The following ERN1 variants were observed in gnomAD, a reference collection of about 807,000 sequenced individuals.
ERN1 encodes endoplasmic reticulum to nucleus signaling 1.
In ERN1, 39 loss-of-function variants were observed where a neutral mutation model predicts 113.1. The observed-to-expected ratio is 0.34, with a 90% CI of 0.27 to 0.45. The LOEUF (loss-of-function observed/expected upper bound fraction) is 0.45. ERN1 is among the 20% of genes least tolerant of loss of function. The probability of loss-of-function intolerance (pLI) is 1.00; values close to 1 mark genes in which losing one functional copy is unlikely to be tolerated. For synonymous variants in ERN1, 507 were observed against 515.9 expected (o/e 0.98, Z 0.23); for missense variants, 976 against 1,274.8 (o/e 0.77, Z 3.57).
intron 12 of ERN1, among the ~76,000 whole-genome samples, chr17:64,056,781 C>T (rs937493825): frequency 1.3e-5 from 2 of 152,180 alleles, no homozygotes; most frequent in Admixed American, 1.3e-4. Context: ...CTTAGCTTCT[C>T]AGGGTCTACT....
Position 64,057,273 on chromosome 17 carries a change from C to G in ERN1, c.1398+529G>C, listed in dbSNP as rs190648773. Reference sequence around the variant, plus strand: ...TAAATCAGCTCTTAGCTGAAAAACACTAAGATTTAGGAACAAAATTGTCCT... The same window carrying G: ...TAAATCAGCTCTTAGCTGAAAAACAGTAAGATTTAGGAACAAAATTGTCCT... On this transcript the variant is annotated intron_variant, in intron 12 of 21. Coordinates refer to ENST00000433197, the MANE Select transcript of ERN1 (RefSeq NM_001433.5). Among the ~76,000 whole-genome samples, 242 of 152,302 alleles carry G rather than the reference C, an allele frequency of 1.6e-3. 1 individual carries two copies. Among genetic ancestry groups the G allele is most frequent in the African/African-American group, 5.6e-3 (234 of 41,544 alleles).
chr17:64,118,967 C>G lies in ERN1; in HGVS notation c.54+11009G>C, dbSNP rs1914881283. Reference sequence around the variant, plus strand: ...AAGCTTCTTCTTGTGCTTTAACTAACTCACTCCTTCTACAAATCCCTTCTC... The same window carrying G: ...AAGCTTCTTCTTGTGCTTTAACTAAGTCACTCCTTCTACAAATCCCTTCTC... On this transcript the variant is annotated intron_variant, in intron 1 of 21. Coordinates refer to ENST00000433197, the MANE Select transcript of ERN1 (RefSeq NM_001433.5). Among the ~76,000 whole-genome samples the G allele has an allele frequency of 2.0e-5, 3 of 152,272 alleles. No individual in the cohort carries two copies. In the South Asian group the frequency reaches 6.2e-4, roughly 32 times the overall value.
chr17:64,091,885 G>A (rs7222437), intron 2 of ERN1, among the ~76,000 whole-genome samples: 7,440 of 152,146 alleles, frequency 0.049, 580 homozygotes, highest in African/African-American at 0.17. Flanking sequence ...TTGTTGAAAC[G>A]GCCAACCCAT....
chr17:64,094,552 C>G (rs1914177433), intron 2 of ERN1, among the ~76,000 whole-genome samples: 1 of 151,868 alleles, frequency 6.6e-6, no homozygotes, highest in Non-Finnish European at 1.5e-5. Flanking sequence ...GCCCATCTCT[C>G]TCTGAGCTGA....
Position 64,075,214 on chromosome 17 carries a change from C to T in ERN1, c.316G>A (p.Ala106Thr), listed in dbSNP as rs1225398428. The change falls in exon 5 of 22, where the codon GCA (alanine) becomes ACA (threonine). Residue 106 changes from alanine (A) to threonine (T), a missense_variant. Transcript: ENST00000433197. ...CCATCTGAACTTCGGCATGGGGATG[C>T]CTGCACCAATTCTGGGATGGTAAAA... ...LPFTIPELVQ[A>T]SPCRSSDGIL... 1 of 1,508,498 alleles carries T rather than the reference C, an allele frequency of 6.6e-7. No individual in the cohort carries two copies. Among genetic ancestry groups the T allele is most frequent in the Non-Finnish European group, 8.8e-7 (1 of 1,131,198 alleles). The allele number at this position is 1,508,498 out of a possible 1,614,324, so 93.4% of individuals were successfully genotyped here.
chr17:64,066,837 C>G lies in ERN1; in HGVS notation c.676G>C (p.Val226Leu), dbSNP rs1286549150. The G allele has an allele frequency of 6.2e-7, 1 of 1,613,978 alleles. No individual in the cohort carries two copies. Among genetic ancestry groups the G allele is most frequent in the Admixed American group, 1.7e-5 (1 of 60,016 alleles). Residue 226 changes from valine to leucine, a missense_variant, in exon 8 of 22, where the codon GTG (valine) becomes CTG (leucine). By Grantham distance (32) the Val-to-Leu change is conservative (BLOSUM62 1). Coordinates refer to ENST00000433197, the MANE Select transcript of ERN1 (RefSeq NM_001433.5). The part of the protein sequence containing the change: ...VLWIQNYASP[V>L]VAFYVWQREG... ...CGCTGCCAGACATAAAAGGCCACCA[C>G]AGGGGAGGCGTAGTTTTGGATCCAC...
At chr17:64,070,916 T>C (rs569341005) in intron 6 of ERN1, among the ~76,000 whole-genome samples, 3 of 152,270 alleles carry the variant, frequency 2.0e-5, no homozygotes, top group African/African-American at 7.2e-5. Flanking sequence ...CATTCAAACA[T>C]TGAGCCCCTG....
chr17:64,058,107 G>A (rs1164590936), intron 11 of ERN1, 114 bp from the exon 12 acceptor site: 7 of 795,384 alleles, frequency 8.8e-6, no homozygotes, highest in Non-Finnish European at 1.3e-5. Context: ...ACTGCAGGGG[G>A]TTTTATTTGT....
At chr17:64,129,168 G>A (rs1357422469) in intron 1 of ERN1, 1 of 151,918 alleles carries the variant, frequency 6.6e-6, no homozygotes. Context: ...AGGTCATAAA[G>A]AGTTAAATGA....
chr17:64,073,411 G>C (rs1056565626), intron 5 of ERN1, among the ~76,000 whole-genome samples: 2 of 146,102 alleles, frequency 1.4e-5, no homozygotes, highest in Non-Finnish European at 3.0e-5. Context: ...TCCTGACTTC[G>C]TGATCCACCC....
intron 4 of ERN1, among the ~76,000 whole-genome samples, chr17:64,077,806 C>T (rs541703950): frequency 3.9e-3 from 583 of 151,078 alleles, no homozygotes; most frequent in African/African-American, 0.014. Context: ...AGTGTAGTGG[C>T]GTGATCTCAG....
intron 17 of ERN1, among the ~76,000 whole-genome samples, chr17:64,050,579 T>C (rs1912652568): frequency 6.6e-6 from 1 of 152,092 alleles, no homozygotes; most frequent in Non-Finnish European, 1.5e-5. Flanking sequence ...TCATGAAGCG[T>C]TAAAAACCAG....
At chr17:64,129,893 C>G in intron 1 of ERN1, 83 bp downstream of exon 1, 1 of 1,255,666 alleles carries the variant, frequency 8.0e-7, no homozygotes, top group Non-Finnish European at 1.0e-6. Context: ...AGCTCGGACT[C>G]CAGCCCCGGC....
chr17:64,049,181 A>G lies in ERN1; in HGVS notation c.2275T>C (p.Ser759Pro). Residue 759 changes from serine (S) to proline (P), a missense_variant, in exon 18 of 22, where the codon TCT becomes CCT. Physicochemically the swap from Ser to Pro is moderately conservative, Grantham distance 74 (BLOSUM62 -1). Transcript: ENST00000433197. The surrounding 1 kb of genome is among the most constrained non-coding windows in gnomAD (Gnocchi z 4.7). ...ENPTYTVDIFSAGCVFYYVIS... is the reference protein window; with the variant it reads ...ENPTYTVDIFPAGCVFYYVIS... ...ACGTAGTAAAAGACGCAGCCTGCAG[A>G]AAAGATGTCCACCGTGTAGGTCTGA... 6.3e-7 allele frequency: 1 copy of G among 1,599,966 alleles called. No individual in the cohort carries two copies. The highest frequency in any genetic ancestry group is 8.6e-7 in the Non-Finnish European group (1 of 1,169,294).
chr17:64,127,631 G>A (rs887842441), intron 1 of ERN1, among the ~76,000 whole-genome samples: 3 of 152,126 alleles, frequency 2.0e-5, no homozygotes, highest in Non-Finnish European at 2.9e-5. Context: ...GTGGGCTCCT[G>A]TAATCCCAGC....
At chr17:64,072,778 T>C (rs1913460550) in intron 5 of ERN1, among the ~76,000 whole-genome samples, 1 of 152,174 alleles carries the variant, frequency 6.6e-6, no homozygotes, top group Non-Finnish European at 1.5e-5. Context: ...CCAAAGCATA[T>C]GTATCAATGG....
intron 4 of ERN1, among the ~76,000 whole-genome samples, chr17:64,077,864 G>A (rs972780326): frequency 3.3e-5 from 5 of 151,756 alleles, no homozygotes; most frequent in South Asian, 2.1e-4. Context: ...TCCTGCCTCA[G>A]CCTCCCAAGT....
intron 1 of ERN1, 116 bp downstream of exon 1, chr17:64,129,860 C>G: frequency 9.8e-7 from 1 of 1,023,248 alleles, no homozygotes; most frequent in Non-Finnish European, 1.3e-6. Flanking sequence ...CACGGGGCAT[C>G]TGGCCGCCGC....
chr17:64,107,490 T>C (rs527790030), intron 1 of ERN1, among the ~76,000 whole-genome samples: 2 of 152,000 alleles, frequency 1.3e-5, no homozygotes, highest in Admixed American at 6.6e-5. Context: ...CCTGGCTTTT[T>C]ATTTCATTTT....
Sources: allele counts gnomAD v4.1 joint callset (sites outside exome capture counted in the v4.1 genomes callset), GRCh38; gene constraint gnomAD v4.1.1; non-coding constraint Gnocchi (gnomAD v3.1); transcripts MANE v1.5; gene names NCBI Gene and HGNC (gene_info 2026-07-23, HGNC 2026-07-21).